Variants in RALYL observed in about 807,000 individuals in gnomAD.
RALYL encodes RNA-binding Raly-like protein.
RALYL carries 29 observed loss-of-function variants against 35.1 expected under a neutral mutation model. The ratio of observed to expected loss-of-function variants is 0.83; its 90% confidence interval spans 0.61 to 1.13. RALYL has a LOEUF of 1.13. Among genes scored for constraint, RALYL ranks in the 50% most tolerant of loss-of-function variants. The pLI is 0.00. For synonymous variants in RALYL, 120 were observed against 127.6 expected (o/e 0.94, Z 0.40); for missense variants, 359 against 360.4 (o/e 1.00, Z 0.03).
intron 1 of RALYL, among the ~76,000 whole-genome samples, chr8:84,388,991 C>G (rs1859937548): frequency 6.6e-6 from 1 of 152,140 alleles, no homozygotes. Flanking sequence ...ACATGTAAGT[C>G]TTTAATCCAT....
chr8:84,636,639 T>C (rs1414515470), intron 2 of RALYL, among the ~76,000 whole-genome samples: 1 of 151,832 alleles, frequency 6.6e-6, no homozygotes, highest in East Asian at 1.9e-4. Flanking sequence ...AATGTTACTC[T>C]GCTTTTTTCC....
At chr8:84,380,541 C>G (rs117024223) in intron 1 of RALYL, among the ~76,000 whole-genome samples, 3 of 151,566 alleles carry the variant, frequency 2.0e-5, no homozygotes, top group East Asian at 3.9e-4. Flanking sequence ...AATTCAGATT[C>G]GATGGAAAGA....
At chr8:84,585,399 A>G (rs1811767672) in intron 2 of RALYL, among the ~76,000 whole-genome samples, 1 of 152,182 alleles carries the variant, frequency 6.6e-6, no homozygotes, top group Admixed American at 6.5e-5. Flanking sequence ...CATTATTAAT[A>G]TTTATTACTG....
intron 1 of RALYL, among the ~76,000 whole-genome samples, chr8:84,478,410 A>T (rs1391380326): frequency 6.6e-6 from 1 of 152,308 alleles, no homozygotes; most frequent in Non-Finnish European, 1.5e-5. Flanking sequence ...TGAGCTGAAT[A>T]AAAGAATAGA....
At chr8:84,689,852 G>A (rs931313832) in intron 2 of RALYL, among the ~76,000 whole-genome samples, 9 of 152,008 alleles carry the variant, frequency 5.9e-5, no homozygotes, top group Admixed American at 5.9e-4. Context: ...TTTTTCATGT[G>A]CTTTTTGGAA....
chr8:84,609,510 G>C (rs780941519), intron 2 of RALYL, among the ~76,000 whole-genome samples: 4 of 152,084 alleles, frequency 2.6e-5, no homozygotes, highest in Non-Finnish European at 5.9e-5. Flanking sequence ...CACATTAAAA[G>C]TATTCATTAG....
At chr8:84,300,653 T>A (rs1267951843) in intron 1 of RALYL, among the ~76,000 whole-genome samples, 1 of 151,786 alleles carries the variant, frequency 6.6e-6, no homozygotes, top group East Asian at 1.9e-4. Flanking sequence ...TAGCATAGTT[T>A]AATTGAGCAC....
intron 2 of RALYL, among the ~76,000 whole-genome samples, chr8:84,694,977 G>A (rs1229973268): frequency 1.3e-5 from 2 of 151,728 alleles, no homozygotes; most frequent in Non-Finnish European, 2.9e-5. Flanking sequence ...ATATATAATA[G>A]TTGAGGAAAC....
intron 2 of RALYL, among the ~76,000 whole-genome samples, chr8:84,548,669 A>G (rs2060517328): frequency 6.6e-6 from 1 of 152,226 alleles, no homozygotes. Context: ...CTAGCTTTAA[A>G]TCATTAGAAT....
At chr8:84,633,295 G>A (rs1037570950) in intron 2 of RALYL, among the ~76,000 whole-genome samples, 7 of 151,704 alleles carry the variant, frequency 4.6e-5, no homozygotes, top group Non-Finnish European at 8.8e-5. Flanking sequence ...CCCAGATAGA[G>A]TTTGGACAGT....
intron 2 of RALYL, among the ~76,000 whole-genome samples, chr8:84,579,607 T>G (rs1810370022): frequency 6.6e-6 from 1 of 152,234 alleles, no homozygotes; most frequent in East Asian, 1.9e-4. Flanking sequence ...CATGTGTTTT[T>G]GACACCAAGT....
chr8:84,401,059 G>C (rs992366528), intron 1 of RALYL, among the ~76,000 whole-genome samples: 5 of 152,020 alleles, frequency 3.3e-5, no homozygotes, highest in Non-Finnish European at 7.4e-5. Flanking sequence ...GGATTTATAA[G>C]CTTTTTCCCC....
chr8:84,278,931 C>T (rs1835966310), intron 1 of RALYL, among the ~76,000 whole-genome samples: 1 of 152,194 alleles, frequency 6.6e-6, no homozygotes, highest in Admixed American at 6.5e-5. Flanking sequence ...TCCATGTTTT[C>T]AGGTATCTTT....
chr8:84,771,605 A>G (rs1365690501), intron 2 of RALYL, among the ~76,000 whole-genome samples: 1 of 152,028 alleles, frequency 6.6e-6, no homozygotes, highest in Non-Finnish European at 1.5e-5. Context: ...TTTGTATCTC[A>G]TGATGTTTTA....
intron 2 of RALYL, among the ~76,000 whole-genome samples, chr8:84,652,670 A>G (rs1829090683): frequency 6.6e-6 from 1 of 152,088 alleles, no homozygotes; most frequent in African/African-American, 2.4e-5. Context: ...CAGGCTGTAT[A>G]ATATGTTTAA....
chr8:84,641,275 T>G (rs1826257118), intron 2 of RALYL, among the ~76,000 whole-genome samples: 1 of 151,702 alleles, frequency 6.6e-6, no homozygotes, highest in Non-Finnish European at 1.5e-5. Context: ...TTTTTTAACA[T>G]AAGAATACAA....
At chr8:84,403,531 T>G (rs1281067229) in intron 1 of RALYL, among the ~76,000 whole-genome samples, 7 of 130,952 alleles carry the variant, frequency 5.3e-5, no homozygotes, top group East Asian at 2.1e-4. Context: ...TCTGTTTTTT[T>G]TTTTTTTTTT....
chr8:84,514,459 G>A (rs112702279), intron 1 of RALYL, among the ~76,000 whole-genome samples: 19 of 152,096 alleles, frequency 1.2e-4, no homozygotes, highest in South Asian at 4.1e-4. Context: ...CCATGATTAG[G>A]GAACCAGCAA....
chr8:84,585,231 C>T (rs1444675105), intron 2 of RALYL, among the ~76,000 whole-genome samples: 2 of 152,070 alleles, frequency 1.3e-5, no homozygotes, highest in Admixed American at 1.3e-4. Flanking sequence ...GTCATTCTTT[C>T]CCTGAATGCA....
Sources: allele counts gnomAD v4.1 joint callset (sites outside exome capture counted in the v4.1 genomes callset), GRCh38; gene constraint gnomAD v4.1.1; transcripts MANE v1.5; gene names NCBI Gene and HGNC (gene_info 2026-07-23, HGNC 2026-07-21).